Variants in TRMT11 observed in about 807,000 individuals in gnomAD.
TRMT11 encodes tRNA (guanine(10)-N(2))-methyltransferase TRMT11.
In TRMT11, 53 loss-of-function variants were observed where a neutral mutation model predicts 62.8. That is an observed-to-expected ratio of 0.84 (90% confidence interval 0.68 to 1.06). The LOEUF is 1.06. Among genes scored for constraint, TRMT11 ranks in the 50% least tolerant of loss-of-function variants. The pLI is 0.00. For synonymous variants in TRMT11, 188 were observed against 190.3 expected (o/e 0.99, Z 0.10); for missense variants, 556 against 553.4 (o/e 1.00, Z -0.05).
chr6:126,006,108 T>C (rs1309770540), intron 7 of TRMT11, among the ~76,000 whole-genome samples: 1 of 152,002 alleles, frequency 6.6e-6, no homozygotes, highest in East Asian at 1.9e-4. Context: ...TTATATAATA[T>C]TCTCTTTCGC....
At chr6:126,221,285 G>C in the TRMT11 span, among the ~76,000 whole-genome samples, 1 of 152,170 alleles carries the variant, frequency 6.6e-6, no homozygotes, top group Non-Finnish European at 1.5e-5. Context: ...CCAGTAATGG[G>C]ATTGCTGGGT....
At chr6:126,173,887 C>A (rs1191353355), upstream of TRMT11, among the ~76,000 whole-genome samples, 1 of 152,144 alleles carries the variant, frequency 6.6e-6, no homozygotes, top group Non-Finnish European at 1.5e-5. Flanking sequence ...TCTTTCTCTG[C>A]CCCAGGAGAA....
At chr6:126,079,763 T>C (rs1014537230) in intron 17 of TRMT11, among the ~76,000 whole-genome samples, 2 of 152,152 alleles carry the variant, frequency 1.3e-5, no homozygotes, top group Non-Finnish European at 2.9e-5. Context: ...AACTATGCGT[T>C]GGTGAAGGGA....
At chr6:126,059,451 A>G (rs1037071749) in intron 17 of TRMT11, among the ~76,000 whole-genome samples, 1 of 152,162 alleles carries the variant, frequency 6.6e-6, no homozygotes, top group African/African-American at 2.4e-5. Context: ...TAAACAACAA[A>G]AGCATGACCA....
the TRMT11 span, among the ~76,000 whole-genome samples, chr6:126,238,842 G>C: frequency 1.5e-4 from 23 of 152,322 alleles, no homozygotes; most frequent in African/African-American, 4.6e-4. Flanking sequence ...TTGTGTGGGA[G>C]TCTAAGTCTT....
intron 17 of TRMT11, among the ~76,000 whole-genome samples, chr6:126,073,393 T>C (rs1776914974): frequency 6.6e-6 from 1 of 152,214 alleles, no homozygotes; most frequent in Admixed American, 6.5e-5. Context: ...AATCATTGAA[T>C]GCAGCACGCC....
Position 126,120,548 on chromosome 6 carries a change from A to G in TRMT11, c.*1823+4693A>G, listed in dbSNP as rs113697774. 3.2e-3 allele frequency among the ~76,000 whole-genome samples: 493 copies of G among 152,254 alleles called. 2 individuals carry two copies. Among genetic ancestry groups the G allele is most frequent in the African/African-American group, 0.011 (473 of 41,580 alleles). Reference sequence around the variant, plus strand: ...GACTTCAGCTGTATAGCTATTTCCCAGTGGATAATTAAAGACCTGTCAGAC... The same window carrying G: ...GACTTCAGCTGTATAGCTATTTCCCGGTGGATAATTAAAGACCTGTCAGAC... On this transcript the variant is annotated intron_variant and NMD_transcript_variant, in intron 21 of 22. Transcript: ENST00000648977.
At chr6:126,077,558 C>G (rs1343582337) in intron 17 of TRMT11, among the ~76,000 whole-genome samples, 1 of 152,164 alleles carries the variant, frequency 6.6e-6, no homozygotes, top group Non-Finnish European at 1.5e-5. Context: ...ACACAGATTA[C>G]CTCAAGTAAT....
downstream of TRMT11, among the ~76,000 whole-genome samples, chr6:126,204,481 C>A (rs549791421): frequency 2.0e-5 from 3 of 152,328 alleles, no homozygotes; most frequent in East Asian, 5.8e-4. Flanking sequence ...TCAATTCTTC[C>A]AACCACTATA....
intron 7 of TRMT11, among the ~76,000 whole-genome samples, chr6:126,001,179 C>T (rs1352784787): frequency 6.6e-6 from 1 of 152,066 alleles, no homozygotes; most frequent in African/African-American, 2.4e-5. Flanking sequence ...CTTTGATATT[C>T]ATATTTCAGT....
At chr6:126,195,484 A>G (rs1562346137) in intron 1 of TRMT11, among the ~76,000 whole-genome samples, 2 of 152,254 alleles carry the variant, frequency 1.3e-5, no homozygotes, top group Non-Finnish European at 2.9e-5. Flanking sequence ...AGAAATAAAT[A>G]AAAGGAAAAG....
At chr6:126,155,175 CAT>C (rs1346746734) in intron 21 of TRMT11, among the ~76,000 whole-genome samples, 1 of 152,154 alleles carries the variant, frequency 6.6e-6, no homozygotes, top group Non-Finnish European at 1.5e-5. Flanking sequence ...ATCTTACAAT[CAT>C]AGGAGAAGTT....
At chr6:126,112,905 T>C (rs1207478360) in exon 18 of TRMT11, among the ~76,000 whole-genome samples, 1 of 152,050 alleles carries the variant, frequency 6.6e-6, no homozygotes, top group Non-Finnish European at 1.5e-5. Flanking sequence ...TTTATCCCAA[T>C]GTCTTCTGGT....
chr6:126,176,922 C>T (rs1233367962), upstream of TRMT11, among the ~76,000 whole-genome samples: 1 of 151,960 alleles, frequency 6.6e-6, no homozygotes, highest in Non-Finnish European at 1.5e-5. Context: ...TTCAACCCTT[C>T]ATTCACTCAT....
the TRMT11 span, among the ~76,000 whole-genome samples, chr6:126,234,937 A>G: frequency 6.6e-6 from 1 of 152,208 alleles, no homozygotes; most frequent in Non-Finnish European, 1.5e-5. Context: ...ATAGGCAAGG[A>G]TGGCTGTCTT....
intron 17 of TRMT11, among the ~76,000 whole-genome samples, chr6:126,062,995 A>G (rs1444611506): frequency 1.3e-5 from 2 of 152,210 alleles, no homozygotes; most frequent in Non-Finnish European, 2.9e-5. Context: ...CCATTAAACA[A>G]TATCATAAAT....
intron 17 of TRMT11, among the ~76,000 whole-genome samples, chr6:126,111,448 T>C (rs1292534724): frequency 6.6e-6 from 1 of 152,070 alleles, no homozygotes; most frequent in Non-Finnish European, 1.5e-5. Context: ...ATATTAAAAG[T>C]CTCTTAATAA....
At chr6:126,198,109 T>G (rs1417455146) in intron 1 of TRMT11, among the ~76,000 whole-genome samples, 1 of 152,178 alleles carries the variant, frequency 6.6e-6, no homozygotes, top group Non-Finnish European at 1.5e-5. Flanking sequence ...ATTCTACTCT[T>G]AACCTTTCAG....
chr6:126,129,110 A>G (rs59891369), intron 21 of TRMT11, among the ~76,000 whole-genome samples: 1 of 152,218 alleles, frequency 6.6e-6, no homozygotes, highest in East Asian at 1.9e-4. Context: ...TATAAAATGA[A>G]GAAGCCAAAG....
Sources: gnomAD v4.1 joint callset for allele counts (sites outside exome capture counted in the v4.1 genomes callset) on GRCh38, gnomAD v4.1.1 for gene constraint, MANE v1.5 for transcripts, NCBI Gene and HGNC (gene_info 2026-07-23, HGNC 2026-07-21) for gene names.